Variants in ASIC2 observed in about 807,000 individuals in gnomAD.
ASIC2 encodes acid-sensing ion channel 2.
In ASIC2, 25 loss-of-function variants were observed where a neutral mutation model predicts 57.3. The observed-to-expected ratio is 0.44, with a 90% CI of 0.32 to 0.61. ASIC2 has a LOEUF of 0.61. ASIC2 is among the 20% of genes least tolerant of loss of function. The pLI, the probability that ASIC2 is intolerant of heterozygous loss-of-function variation, is 0.06. For synonymous variants in ASIC2, 319 were observed against 307.5 expected (o/e 1.04, Z -0.39); for missense variants, 641 against 738.1 (o/e 0.87, Z 1.52).
intron 1 of ASIC2, among the ~76,000 whole-genome samples, chr17:33,604,282 C>T (rs1250502636): frequency 6.6e-6 from 1 of 152,190 alleles, no homozygotes; most frequent in Non-Finnish European, 1.5e-5. Context: ...AGGCTTCCTC[C>T]TATAGGAACT....
chr17:33,388,267 G>C (rs553875700), intron 1 of ASIC2, among the ~76,000 whole-genome samples: 1 of 152,340 alleles, frequency 6.6e-6, no homozygotes, highest in South Asian at 2.1e-4. Flanking sequence ...GCCTCTGGAG[G>C]GGGTACAGCC....
chr17:34,127,980 A>C (rs780897373), intron 1 of ASIC2, among the ~76,000 whole-genome samples: 1 of 152,054 alleles, frequency 6.6e-6, no homozygotes, highest in Non-Finnish European at 1.5e-5. Flanking sequence ...GAAGTTACTC[A>C]ACCTCCCTGA....
chr17:33,740,987 C>T (rs376226307), intron 1 of ASIC2, among the ~76,000 whole-genome samples: 7 of 152,164 alleles, frequency 4.6e-5, no homozygotes, highest in South Asian at 2.1e-4. Context: ...GAGACTCTCT[C>T]GGCTATTACC....
At chr17:33,024,820 C>T (rs576634981) in intron 5 of ASIC2, among the ~76,000 whole-genome samples, 1 of 152,308 alleles carries the variant, frequency 6.6e-6, no homozygotes, top group African/African-American at 2.4e-5. Flanking sequence ...CTACTGAGTC[C>T]TCGCTCTGCT....
At chr17:33,475,160 T>C (rs760229181) in intron 1 of ASIC2, among the ~76,000 whole-genome samples, 6 of 152,148 alleles carry the variant, frequency 3.9e-5, no homozygotes, top group Admixed American at 6.5e-5. Flanking sequence ...TTCCTGGAAC[T>C]CTCTGCTGCC....
At chr17:33,061,159 A>C (rs2092018967) in intron 3 of ASIC2, among the ~76,000 whole-genome samples, 3 of 152,022 alleles carry the variant, frequency 2.0e-5, no homozygotes, top group South Asian at 2.1e-4. Flanking sequence ...TTATTTCTTT[A>C]TCTTGCCTGA....
chr17:34,075,697 C>A (rs929616943), intron 1 of ASIC2, among the ~76,000 whole-genome samples: 7 of 152,138 alleles, frequency 4.6e-5, no homozygotes, highest in African/African-American at 1.7e-4. Flanking sequence ...TCCTCTCCAG[C>A]CTTCTTTCTA....
intron 1 of ASIC2, among the ~76,000 whole-genome samples, chr17:33,767,889 C>A (rs1910980700): frequency 2.0e-5 from 3 of 152,338 alleles, no homozygotes; most frequent in Middle Eastern, 3.4e-3. Flanking sequence ...TTAACTGCTG[C>A]TTCACTGATT....
At chr17:34,044,657 T>C (rs1304079931) in intron 1 of ASIC2, among the ~76,000 whole-genome samples, 1 of 152,224 alleles carries the variant, frequency 6.6e-6, no homozygotes, top group Admixed American at 6.5e-5. Flanking sequence ...TCTCCATCTC[T>C]CTTCCACTTG....
At chr17:33,213,997 G>A (rs1029362736) in intron 1 of ASIC2, among the ~76,000 whole-genome samples, 3 of 152,208 alleles carry the variant, frequency 2.0e-5, no homozygotes, top group African/African-American at 7.2e-5. Context: ...TGTGGCAGGC[G>A]ATCCTTGATG....
chr17:33,609,985 G>A (rs995770036), intron 1 of ASIC2, among the ~76,000 whole-genome samples: 1 of 151,256 alleles, frequency 6.6e-6, no homozygotes, highest in African/African-American at 2.4e-5. Flanking sequence ...CTTGATTGCT[G>A]GCACCCTCGC....
intron 1 of ASIC2, among the ~76,000 whole-genome samples, chr17:33,740,296 G>A (rs1039298640): frequency 6.6e-6 from 1 of 152,246 alleles, no homozygotes; most frequent in South Asian, 2.1e-4. Flanking sequence ...CAGAAACTGG[G>A]TAATCTATAA....
At chr17:34,022,177 T>G (rs1251199938) in intron 1 of ASIC2, among the ~76,000 whole-genome samples, 3 of 152,172 alleles carry the variant, frequency 2.0e-5, no homozygotes, top group African/African-American at 7.2e-5. Context: ...TCCCTGGGGC[T>G]TTATTACTAA....
Position 33,905,050 on chromosome 17 carries a change from T to G in ASIC2, c.555+250928A>C, listed in dbSNP as rs59028200. On this transcript the variant is annotated intron_variant, in intron 1 of 9. Coordinates refer to the ASIC2 transcript ENST00000359872. Reference sequence around the variant, plus strand: ...GTGCACAGGCTTGGTATTCCATCATTGGTCACAAATGTTTCTTATGGAATA... The same window carrying G: ...GTGCACAGGCTTGGTATTCCATCATGGGTCACAAATGTTTCTTATGGAATA... 1.7e-3 allele frequency among the ~76,000 whole-genome samples: 259 copies of G among 152,080 alleles called. 1 individual carries two copies. The highest frequency in any genetic ancestry group is 6.0e-3 in the African/African-American group (251 of 41,488).
intron 1 of ASIC2, among the ~76,000 whole-genome samples, chr17:33,798,522 C>G (rs2142142347): frequency 6.6e-6 from 1 of 152,312 alleles, no homozygotes; most frequent in East Asian, 1.9e-4. Flanking sequence ...CCAATTAGCA[C>G]AAATCCAGCA....
At chr17:33,728,968 C>T (rs1413501295) in intron 1 of ASIC2, among the ~76,000 whole-genome samples, 2 of 152,130 alleles carry the variant, frequency 1.3e-5, no homozygotes, top group African/African-American at 4.8e-5. Flanking sequence ...GGCCCCATCA[C>T]CCCCGACAAC....
At chr17:34,073,535 T>C (rs1909508037) in intron 1 of ASIC2, among the ~76,000 whole-genome samples, 1 of 152,178 alleles carries the variant, frequency 6.6e-6, no homozygotes, top group Non-Finnish European at 1.5e-5. Flanking sequence ...CAAAAGTCTA[T>C]GAACTTTCTG....
At chr17:33,259,664 G>A (rs1322476041) in intron 1 of ASIC2, among the ~76,000 whole-genome samples, 1 of 152,136 alleles carries the variant, frequency 6.6e-6, no homozygotes, top group Non-Finnish European at 1.5e-5. Flanking sequence ...TTTATTTTAT[G>A]ATGCTCCTTG....
intron 1 of ASIC2, among the ~76,000 whole-genome samples, chr17:34,145,395 A>C (rs978414889): frequency 1.3e-5 from 2 of 152,192 alleles, no homozygotes; most frequent in Non-Finnish European, 2.9e-5. Context: ...CTATCTGTGC[A>C]GGAAGGAAAT....
Sources: allele counts gnomAD v4.1 joint callset (sites outside exome capture counted in the v4.1 genomes callset), GRCh38; gene constraint gnomAD v4.1.1; transcripts MANE v1.5; gene names NCBI Gene and HGNC (gene_info 2026-07-23, HGNC 2026-07-21).